MKLN1: variants seen among roughly 807,000 people sequenced by gnomAD.
The protein encoded by MKLN1 is muskelin.
In MKLN1, 18 loss-of-function variants were observed where a neutral mutation model predicts 99.0. That is an observed-to-expected ratio of 0.18 (90% CI 0.13 to 0.27). The LOEUF (loss-of-function observed/expected upper bound fraction) is 0.27. Among genes scored for constraint, MKLN1 ranks in the 10% least tolerant of loss-of-function variants. The probability of loss-of-function intolerance (pLI) is 1.00; values close to 1 mark genes in which losing one functional copy is unlikely to be tolerated. For synonymous variants in MKLN1, 288 were observed against 293.2 expected (o/e 0.98, Z 0.18); for missense variants, 621 against 875.9 (o/e 0.71, Z 3.67).
At chr7:131,219,095 G>A (rs1797026186) in intron 3 of MKLN1, among the ~76,000 whole-genome samples, 1 of 152,250 alleles carries the variant, frequency 6.6e-6, no homozygotes, top group East Asian at 1.9e-4. Flanking sequence ...CAAAGCTTCA[G>A]TTTTGCAAGA....
At chr7:131,372,176 T>C (rs1793483751) in intron 1 of MKLN1, among the ~76,000 whole-genome samples, 1 of 152,066 alleles carries the variant, frequency 6.6e-6, no homozygotes, top group Non-Finnish European at 1.5e-5. Flanking sequence ...CAATGTATCA[T>C]AGTTATAATG....
rs1189233504 is a variant in MKLN1, at chr7:131,435,368, C to T, written c.961-2417C>T. On this transcript the variant is annotated intron_variant, in intron 9 of 17. Coordinates refer to ENST00000352689, the MANE Select transcript of MKLN1 (RefSeq NM_013255.5). Reference sequence around the variant, plus strand: ...CTTCCTCCTTCTTCCCCTTCTCTTCCTTCTCCTTTGTAATATTATTTGGTT... The same window carrying T: ...CTTCCTCCTTCTTCCCCTTCTCTTCTTTCTCCTTTGTAATATTATTTGGTT... Among the ~76,000 whole-genome samples, 4 of 152,098 alleles carry T rather than the reference C, an allele frequency of 2.6e-5. No homozygotes were observed. In the East Asian group the frequency reaches 5.8e-4, roughly 22 times the overall value.
At chr7:131,254,004 T>C (rs944639376) in intron 3 of MKLN1, among the ~76,000 whole-genome samples, 1 of 152,172 alleles carries the variant, frequency 6.6e-6, no homozygotes, top group African/African-American at 2.4e-5. Context: ...TGGAACACAA[T>C]GTGGAACAAT....
At chr7:131,419,153 A>G (rs1795114588) in intron 8 of MKLN1, among the ~76,000 whole-genome samples, 2 of 151,082 alleles carry the variant, frequency 1.3e-5, no homozygotes, top group South Asian at 2.1e-4. Context: ...AAGGGAGCCC[A>G]TGATAGTCTT....
At chr7:131,224,439 G>T (rs1009459657) in intron 3 of MKLN1, among the ~76,000 whole-genome samples, 2 of 152,130 alleles carry the variant, frequency 1.3e-5, no homozygotes, top group African/African-American at 4.8e-5. Flanking sequence ...CCAGCTACTG[G>T]GGAGGCTGAG....
At chr7:131,322,461 A>T (rs946862082) in intron 3 of MKLN1, among the ~76,000 whole-genome samples, 2 of 152,164 alleles carry the variant, frequency 1.3e-5, no homozygotes, top group African/African-American at 4.8e-5. Context: ...GGGAGGCCTC[A>T]GGAAACTTAA....
chr7:131,342,638 G>A (rs1263188797), intron 1 of MKLN1, among the ~76,000 whole-genome samples: 1 of 152,174 alleles, frequency 6.6e-6, no homozygotes, highest in Non-Finnish European at 1.5e-5. Flanking sequence ...TGATGACTGG[G>A]AAGTGAGAGA....
At chr7:131,268,784 G>A (rs1162052847) in intron 3 of MKLN1, among the ~76,000 whole-genome samples, 1 of 152,206 alleles carries the variant, frequency 6.6e-6, no homozygotes, top group Non-Finnish European at 1.5e-5. Context: ...AAAACAGAGA[G>A]CTCCTTAGAG....
intron 1 of MKLN1, among the ~76,000 whole-genome samples, chr7:131,348,278 A>C (rs1238291283): frequency 6.6e-6 from 1 of 152,164 alleles, no homozygotes; most frequent in African/African-American, 2.4e-5. Context: ...TTTATTTGTG[A>C]ATTTTATGCG....
At chr7:131,244,502 A>C (rs1797455544) in intron 3 of MKLN1, among the ~76,000 whole-genome samples, 1 of 152,106 alleles carries the variant, frequency 6.6e-6, no homozygotes, top group East Asian at 1.9e-4. Flanking sequence ...AGCGGAACTC[A>C]GAATGCCTCT....
chr7:131,168,267 CA>C (rs753022492), intron 2 of MKLN1, among the ~76,000 whole-genome samples: 3 of 152,124 alleles, frequency 2.0e-5, no homozygotes, highest in Non-Finnish European at 4.4e-5. Flanking sequence ...GCTGGCCCTA[CA>C]GCTCATTAGC....
chr7:131,280,310 G>A (rs888279977), intron 3 of MKLN1, among the ~76,000 whole-genome samples: 1 of 152,060 alleles, frequency 6.6e-6, no homozygotes, highest in Non-Finnish European at 1.5e-5. Flanking sequence ...CATTTCTCTT[G>A]GTATATATAT....
chr7:131,204,820 G>A (rs951177384), intron 3 of MKLN1, among the ~76,000 whole-genome samples: 1 of 152,116 alleles, frequency 6.6e-6, no homozygotes, highest in Non-Finnish European at 1.5e-5. Context: ...TGTAGTCCCA[G>A]CTACTCAGGA....
intron 3 of MKLN1, among the ~76,000 whole-genome samples, chr7:131,205,892 CTTT>C (rs35341245): frequency 1.5e-5 from 2 of 137,522 alleles, no homozygotes; most frequent in Non-Finnish European, 3.1e-5. Context: ...CTGAGAAAAA[CTTT>C]TTTTTTTTTT....
intron 6 of MKLN1, among the ~76,000 whole-genome samples, chr7:131,408,521 G>A (rs1794776545): frequency 6.6e-6 from 1 of 152,066 alleles, no homozygotes; most frequent in Non-Finnish European, 1.5e-5. Context: ...AATCTATGTG[G>A]ATTTTTTTGG....
intron 3 of MKLN1, among the ~76,000 whole-genome samples, chr7:131,233,029 C>T (rs761320797): frequency 9.9e-5 from 15 of 151,838 alleles, no homozygotes; most frequent in East Asian, 7.7e-4. Flanking sequence ...AAGAAAGTGG[C>T]GTAAGTGTTT....
Position 131,463,037 on chromosome 7 carries a change from C to T in MKLN1, c.1526-180C>T, listed in dbSNP as rs143294892. Among the ~76,000 whole-genome samples, 538 of 152,096 alleles carry T rather than the reference C, an allele frequency of 3.5e-3. 5 individuals carry two copies. Among genetic ancestry groups the T allele is most frequent in the African/African-American group, 0.012 (505 of 41,498 alleles). On this transcript the variant is annotated intron_variant, in intron 12 of 17. Transcript: ENST00000352689. ...CTTGGGAGGCTGGGGCAGGAGGATC[C>T]TTTGAGCCCAGGAGTTCTAGGCTGC...
At chr7:131,370,805 G>A (rs1305729449) in intron 1 of MKLN1, among the ~76,000 whole-genome samples, 1 of 152,160 alleles carries the variant, frequency 6.6e-6, no homozygotes, top group African/African-American at 2.4e-5. Context: ...AGGGAGAGAA[G>A]TATTCAAGGA....
chr7:131,159,035 T>A (rs911762787), intron 2 of MKLN1, among the ~76,000 whole-genome samples: 23 of 150,470 alleles, frequency 1.5e-4, no homozygotes, highest in African/African-American at 4.9e-4. Flanking sequence ...TACAAAAAAA[T>A]TTAAAAAAAA....
Sources: gnomAD v4.1 joint callset for allele counts (sites outside exome capture counted in the v4.1 genomes callset) on GRCh38, gnomAD v4.1.1 for gene constraint, MANE v1.5 for transcripts, NCBI Gene and HGNC (gene_info 2026-07-23, HGNC 2026-07-21) for gene names.